AKAP7: variants seen among roughly 807,000 people sequenced by gnomAD.
AKAP7 encodes A kinase (PRKA) anchor protein 7.
In AKAP7, 39 loss-of-function variants were observed where a neutral mutation model predicts 39.5. That is an observed-to-expected ratio of 0.99 (90% CI 0.76 to 1.29). The LOEUF (loss-of-function observed/expected upper bound fraction) is 1.29. AKAP7 is among the 50% of genes most tolerant of loss of function. The pLI, the probability that AKAP7 is intolerant of heterozygous loss-of-function variation, is 0.00. For missense variants in AKAP7, 414 were observed against 407.7 expected (o/e 1.02, Z -0.13); for synonymous variants, 140 against 139.1 (o/e 1.01, Z -0.05).
At chr6:131,218,543 C>T (rs1809408403) in intron 6 of AKAP7, among the ~76,000 whole-genome samples, 2 of 152,096 alleles carry the variant, frequency 1.3e-5, no homozygotes, top group African/African-American at 4.8e-5. Context: ...AACTAGTTTT[C>T]TAAATAAGTT....
At position 131,145,414 on chromosome 6, in the gene AKAP7, GAAGT is replaced by G; in HGVS notation, c.151+4_151+7del. 6.6e-7 allele frequency: 1 copy of G among 1,506,340 alleles called. No individual in the cohort carries two copies. The highest frequency in any genetic ancestry group is 8.9e-7 in the Non-Finnish European group (1 of 1,123,232). The allele number at this position is 1,506,340 out of a possible 1,614,324, so 93.3% of individuals were successfully genotyped here. A position where few individuals can be genotyped will look rare whatever the true frequency, so the allele number is the denominator to read the frequency against. On this transcript the variant is annotated splice_donor_variant and coding_sequence_variant, in exon 2 of 8. Transcript: ENST00000431975. LOFTEE classifies it high-confidence loss of function. ...ACTGTAGATATTCAGGATGACTGTG[GAAGT>G]AAGTACTTTATTAAGTAAACGCGTA...
At chr6:131,251,325 A>G (rs1812431798) in intron 7 of AKAP7, among the ~76,000 whole-genome samples, 1 of 152,212 alleles carries the variant, frequency 6.6e-6, no homozygotes, top group Non-Finnish European at 1.5e-5. Context: ...TGGCATTTTA[A>G]TTAGTATGCT....
chr6:131,161,945 G>A (rs1018064850), intron 3 of AKAP7, among the ~76,000 whole-genome samples: 27 of 152,280 alleles, frequency 1.8e-4, no homozygotes, highest in African/African-American at 6.5e-4. Context: ...GTGATTGGAA[G>A]AGAATCCAGG....
At chr6:131,164,833 G>T (rs897756822) in intron 3 of AKAP7, among the ~76,000 whole-genome samples, 1 of 152,152 alleles carries the variant, frequency 6.6e-6, no homozygotes, top group African/African-American at 2.4e-5. Context: ...AAATAAGGGT[G>T]TTGGGTTCAG....
At chr6:131,209,781 T>C (rs1413049284) in intron 6 of AKAP7, among the ~76,000 whole-genome samples, 1 of 152,226 alleles carries the variant, frequency 6.6e-6, no homozygotes, top group Non-Finnish European at 1.5e-5. Context: ...TTCATTTTCT[T>C]AGTCAAGGAC....
chr6:131,153,466 G>C (rs1802124621), intron 2 of AKAP7, among the ~76,000 whole-genome samples: 1 of 152,072 alleles, frequency 6.6e-6, no homozygotes, highest in Non-Finnish European at 1.5e-5. Flanking sequence ...TTTACACTAT[G>C]TCATTCTCCT....
chr6:131,173,070 T>C (rs1459994778), intron 5 of AKAP7, among the ~76,000 whole-genome samples: 1 of 151,740 alleles, frequency 6.6e-6, no homozygotes, highest in Non-Finnish European at 1.5e-5. Flanking sequence ...CAGGGTGTGA[T>C]GGGACCTGTA....
At chr6:131,194,479 G>A (rs1299885694) in intron 5 of AKAP7, among the ~76,000 whole-genome samples, 1 of 152,068 alleles carries the variant, frequency 6.6e-6, no homozygotes, top group Non-Finnish European at 1.5e-5. Context: ...AAGGATTCAT[G>A]TGAGGAAAAG....
rs1181235701 is a variant in AKAP7, at chr6:131,282,021, A to C, written c.*295A>C. 2 of 1,151,910 alleles carry C rather than the reference A, an allele frequency of 1.7e-6. No homozygotes were observed. Among genetic ancestry groups the C allele is most frequent in the Non-Finnish European group, 2.1e-6 (2 of 938,094 alleles). 71.4% of individuals were successfully genotyped at this position (1,151,910 alleles called of 1,614,324 possible). A position where few individuals can be genotyped will look rare whatever the true frequency, so the allele number is the denominator to read the frequency against. On this transcript the variant is annotated 3_prime_UTR_variant, in exon 8 of 8. Transcript: ENST00000431975. The stretch of plus-strand genomic sequence containing the variant: ...CTTTGGGTTATGCCTCCTGGACGCA[A>C]ATTAAAGGCCGAGAAAGAGGCCTTG...
At chr6:131,151,574 A>C (rs1319655269) in intron 2 of AKAP7, among the ~76,000 whole-genome samples, 1 of 151,504 alleles carries the variant, frequency 6.6e-6, no homozygotes, top group African/African-American at 2.4e-5. Context: ...GTGAAACCCT[A>C]TCTCTACTAA....
chr6:131,230,771 C>T (rs1163901643), intron 7 of AKAP7, among the ~76,000 whole-genome samples: 1 of 152,040 alleles, frequency 6.6e-6, no homozygotes, highest in Non-Finnish European at 1.5e-5. Context: ...CAAGATAGAT[C>T]AAGAATGTAG....
chr6:131,261,493 A>G (rs998752917), intron 7 of AKAP7, among the ~76,000 whole-genome samples: 47 of 152,056 alleles, frequency 3.1e-4, no homozygotes, highest in Non-Finnish European at 6.5e-4. Context: ...AATTTTCTCT[A>G]AAATTAGTTT....
chr6:131,141,243 G>A (rs1300344883), intron 1 of AKAP7, among the ~76,000 whole-genome samples: 1 of 152,092 alleles, frequency 6.6e-6, no homozygotes, highest in Non-Finnish European at 1.5e-5. Context: ...ATGGCTTGGT[G>A]CCCTCCCTGT....
chr6:131,152,911 G>A (rs1271367519), intron 2 of AKAP7, among the ~76,000 whole-genome samples: 4 of 151,060 alleles, frequency 2.6e-5, no homozygotes, highest in Admixed American at 1.3e-4. Context: ...GGTGGATCAC[G>A]AGGTCAGGAG....
chr6:131,207,364 G>T, intron 6 of AKAP7, among the ~76,000 whole-genome samples: 1 of 150,022 alleles, frequency 6.7e-6, no homozygotes, highest in Non-Finnish European at 1.5e-5. Context: ...TGGTTGCCCA[G>T]ACCTAGAGTT....
chr6:131,189,623 G>T (rs1054296973), intron 5 of AKAP7, among the ~76,000 whole-genome samples: 1 of 152,116 alleles, frequency 6.6e-6, no homozygotes, highest in Admixed American at 6.5e-5. Flanking sequence ...ATATTTTAAA[G>T]AGTTCACCTA....
In AKAP7 at chr6:131,275,663, C is replaced by T. The variant is rs117505501; in HGVS notation, c.851-5867C>T. Among the ~76,000 whole-genome samples, 1,003 of 152,234 alleles carry T rather than the reference C, an allele frequency of 6.6e-3. 7 individuals carry two copies. Among genetic ancestry groups the T allele is most frequent in the Non-Finnish European group, 0.011 (739 of 68,010 alleles). Reference sequence around the variant, plus strand: ...CTACAAACATCCATCGCATGTCTGCCGCCATCTTTGATGTGACCATATGAG... The same window carrying T: ...CTACAAACATCCATCGCATGTCTGCTGCCATCTTTGATGTGACCATATGAG... On this transcript the variant is annotated intron_variant, in intron 7 of 7. Coordinates refer to ENST00000431975, the MANE Select transcript of AKAP7 (RefSeq NM_016377.4).
intron 5 of AKAP7, among the ~76,000 whole-genome samples, chr6:131,174,232 T>C (rs1044983991): frequency 2.0e-5 from 3 of 152,232 alleles, no homozygotes; most frequent in Non-Finnish European, 4.4e-5. Context: ...TTATGCACTT[T>C]TATAAGGAAC....
intron 2 of AKAP7, among the ~76,000 whole-genome samples, chr6:131,149,233 T>A (rs1801721593): frequency 6.6e-6 from 1 of 152,212 alleles, no homozygotes; most frequent in Non-Finnish European, 1.5e-5. Context: ...TAGTTTAGAA[T>A]GTTATAACTA....
Sources: gnomAD v4.1 joint callset for allele counts (sites outside exome capture counted in the v4.1 genomes callset) on GRCh38, gnomAD v4.1.1 for gene constraint, MANE v1.5 for transcripts, NCBI Gene and HGNC (gene_info 2026-07-23, HGNC 2026-07-21) for gene names.